The following CNTN5 variants were observed in gnomAD, a reference collection of about 807,000 sequenced individuals.
CNTN5 encodes contactin 5.
In CNTN5, 77 loss-of-function variants were observed where a neutral mutation model predicts 129.1. The observed-to-expected ratio is 0.60, with a 90% CI of 0.50 to 0.72. The LOEUF is 0.72. Ranked by LOEUF, CNTN5 falls within the 30% of genes least tolerant of loss-of-function variation. The pLI, the probability that CNTN5 is intolerant of heterozygous loss-of-function variation, is 0.00. For synonymous variants in CNTN5, 509 were observed against 465.6 expected (o/e 1.09, Z -1.20); for missense variants, 1,478 against 1,328.8 (o/e 1.11, Z -1.75).
chr11:100,125,085 T>C (rs974834477), intron 13 of CNTN5, among the ~76,000 whole-genome samples: 3 of 152,054 alleles, frequency 2.0e-5, no homozygotes, highest in Admixed American at 6.6e-5. Context: ...TAGGTAAGGA[T>C]GATGTTGCTA....
At chr11:99,656,742 C>G (rs993913671) in intron 3 of CNTN5, among the ~76,000 whole-genome samples, 1 of 152,040 alleles carries the variant, frequency 6.6e-6, no homozygotes, top group Non-Finnish European at 1.5e-5. Context: ...TGCAAAACAC[C>G]AGGAAAACAG....
At chr11:99,985,882 T>C (rs530522429) in intron 8 of CNTN5, among the ~76,000 whole-genome samples, 1 of 152,324 alleles carries the variant, frequency 6.6e-6, no homozygotes, top group South Asian at 2.1e-4. Context: ...CTTCTCAGTT[T>C]CTTTACCTCC....
At chr11:99,252,042 C>T (rs1862134790) in intron 1 of CNTN5, among the ~76,000 whole-genome samples, 1 of 151,950 alleles carries the variant, frequency 6.6e-6, no homozygotes, top group Non-Finnish European at 1.5e-5. Context: ...TCATTTTATT[C>T]AAATAGTCTT....
At position 99,962,062 on chromosome 11, in the gene CNTN5, AG is replaced by A. The variant is rs559147227; in HGVS notation, c.877+5054del. The stretch of plus-strand genomic sequence containing the variant: ...CTGTTGAAAATTCTTGTGCTTATAG[AG>A]TGATTACAAAATTCATACTAAGATA... On this transcript the variant is annotated intron_variant, in intron 8 of 24. Coordinates refer to ENST00000524871, the MANE Select transcript of CNTN5 (RefSeq NM_014361.4). Among the ~76,000 whole-genome samples the A allele has an allele frequency of 4.0e-4, 61 of 152,328 alleles. 1 individual carries two copies. Among genetic ancestry groups the A allele is most frequent in the African/African-American group, 1.5e-3 (61 of 41,568 alleles).
chr11:99,876,742 C>A (rs1331200273), intron 6 of CNTN5, among the ~76,000 whole-genome samples: 1 of 152,050 alleles, frequency 6.6e-6, no homozygotes, highest in Non-Finnish European at 1.5e-5. Context: ...TGTAGCAATC[C>A]TGAACAAGGC....
chr11:100,262,324 A>T (rs756843419), intron 17 of CNTN5, among the ~76,000 whole-genome samples: 6 of 152,192 alleles, frequency 3.9e-5, no homozygotes, highest in African/African-American at 1.4e-4. Flanking sequence ...AAATAGGAAT[A>T]CTTTTACACT....
intron 6 of CNTN5, among the ~76,000 whole-genome samples, chr11:99,861,611 TA>T (rs1183479503): frequency 6.6e-6 from 1 of 152,168 alleles, no homozygotes; most frequent in African/African-American, 2.4e-5. Flanking sequence ...ACAGGTGATA[TA>T]AAATAAATAG....
chr11:99,829,250 A>G (rs928961713), intron 4 of CNTN5, among the ~76,000 whole-genome samples: 2 of 152,204 alleles, frequency 1.3e-5, no homozygotes, highest in African/African-American at 2.4e-5. Flanking sequence ...TTTGCTATAC[A>G]TATGTCCACA....
chr11:99,274,131 C>T (rs556067568), intron 1 of CNTN5, among the ~76,000 whole-genome samples: 1 of 151,824 alleles, frequency 6.6e-6, no homozygotes, highest in South Asian at 2.1e-4. Flanking sequence ...CAAACATTTC[C>T]ATCATCACAG....
intron 1 of CNTN5, among the ~76,000 whole-genome samples, chr11:99,227,679 A>G (rs1860765132): frequency 2.0e-5 from 3 of 152,216 alleles, no homozygotes. Context: ...GGCTTAATAT[A>G]AAATGTATCG....
intron 13 of CNTN5, among the ~76,000 whole-genome samples, chr11:100,145,445 G>A (rs1252820698): frequency 6.6e-6 from 1 of 152,094 alleles, no homozygotes; most frequent in Non-Finnish European, 1.5e-5. Context: ...TTTCTGATGA[G>A]TGACTCTTAC....
intron 7 of CNTN5, among the ~76,000 whole-genome samples, chr11:99,928,655 G>A (rs191487458): frequency 9.9e-5 from 15 of 152,266 alleles, no homozygotes; most frequent in Admixed American, 3.9e-4. Context: ...AAAGCAGCAG[G>A]GCCCTGGGCC....
Position 99,837,149 on chromosome 11 carries a change from C to T in CNTN5, c.278-7703C>T, listed in dbSNP as rs562697830. On this transcript the variant is annotated intron_variant, in intron 4 of 24. Coordinates refer to ENST00000524871, the MANE Select transcript of CNTN5 (RefSeq NM_014361.4). The stretch of plus-strand genomic sequence containing the variant: ...TCAGTAGGTCTCAGTCTCATTTTTC[C>T]CAGCCTCTGTTCACGATGGAGTTGC... Among the ~76,000 whole-genome samples, 42 of 152,226 alleles carry T rather than the reference C, an allele frequency of 2.8e-4. No individual in the cohort carries two copies. The South Asian group carries it at 8.7e-3, about 32-fold the overall frequency.
intron 2 of CNTN5, among the ~76,000 whole-genome samples, chr11:99,512,351 G>A (rs976876594): frequency 6.6e-6 from 1 of 152,136 alleles, no homozygotes; most frequent in Non-Finnish European, 1.5e-5. Context: ...TAAAGCCTAG[G>A]ATTGTAGTAA....
intron 1 of CNTN5, among the ~76,000 whole-genome samples, chr11:99,070,675 A>T (rs1865306154): frequency 6.6e-6 from 1 of 152,052 alleles, no homozygotes; most frequent in African/African-American, 2.4e-5. Context: ...CCATTTTTAA[A>T]CCTTAAATAT....
At chr11:99,128,643 G>A (rs1045884561) in intron 1 of CNTN5, among the ~76,000 whole-genome samples, 3 of 152,154 alleles carry the variant, frequency 2.0e-5, no homozygotes, top group Admixed American at 1.3e-4. Context: ...TCCTTAAGTG[G>A]GTCCCTCATC....
intron 6 of CNTN5, among the ~76,000 whole-genome samples, chr11:99,910,481 C>A (rs1431255584): frequency 1.3e-5 from 2 of 152,018 alleles, no homozygotes; most frequent in African/African-American, 4.8e-5. Flanking sequence ...TCCTCAGAAA[C>A]TGGTCTTTAA....
At chr11:99,867,058 C>G (rs926526548) in intron 6 of CNTN5, among the ~76,000 whole-genome samples, 3 of 152,140 alleles carry the variant, frequency 2.0e-5, no homozygotes, top group Non-Finnish European at 4.4e-5. Flanking sequence ...AAAGCATTGT[C>G]CAGTTATTTA....
chr11:99,258,247 C>A (rs1305345947), intron 1 of CNTN5, among the ~76,000 whole-genome samples: 4 of 151,988 alleles, frequency 2.6e-5, no homozygotes, highest in African/African-American at 7.2e-5. Flanking sequence ...TATTTCATCA[C>A]CCAAATATTA....
Sources: allele counts gnomAD v4.1 joint callset (sites outside exome capture counted in the v4.1 genomes callset), GRCh38; gene constraint gnomAD v4.1.1; transcripts MANE v1.5; gene names NCBI Gene and HGNC (gene_info 2026-07-23, HGNC 2026-07-21).